Variants in MALAT1 observed in about 807,000 individuals in gnomAD.
The protein encoded by MALAT1 is metastasis associated lung adenocarcinoma transcript 1.
exon 3 of MALAT1, chr11:65,502,823 A>C: frequency 4.0e-6 from 2 of 505,802 alleles, no homozygotes; most frequent in South Asian, 2.9e-5. Flanking sequence ...TGCATATGCC[A>C]AAAAATTTTA....
At chr11:65,505,600 C>T (rs369574445) in intron 3 of MALAT1, 4 of 518,810 alleles carry the variant, frequency 7.7e-6, no homozygotes, top group African/African-American at 3.9e-5. Flanking sequence ...GACCCTTCAC[C>T]CCTCACCTCG....
intron 3 of MALAT1, chr11:65,504,380 G>GTA: frequency 1.9e-6 from 1 of 518,508 alleles, no homozygotes; most frequent in Non-Finnish European, 3.9e-6. Context: ...CTGTTGGCAA[G>GTA]TAAATGCAGT....
At chr11:65,500,319 CTT>C (rs1312067352) in exon 3 of MALAT1, 5 of 518,470 alleles carry the variant, frequency 9.6e-6, no homozygotes, top group African/African-American at 5.8e-5. Flanking sequence ...TAATTACCAA[CTT>C]AATGTTTTTG....
At chr11:65,497,834 C>T (rs1854421833) in exon 1 of MALAT1, 1 of 514,346 alleles carries the variant, frequency 1.9e-6, no homozygotes, top group Non-Finnish European at 3.9e-6. Context: ...AACGCAGAAG[C>T]CCGGCGCCGG....
exon 1 of MALAT1, chr11:65,497,836 C>G (rs765265483): frequency 5.8e-6 from 3 of 514,618 alleles, no homozygotes; most frequent in East Asian, 5.5e-5. Flanking sequence ...CGCAGAAGCC[C>G]GGCGCCGGGA....
chr11:65,501,208 G>C (rs951853121), exon 3 of MALAT1: 3 of 494,462 alleles, frequency 6.1e-6, no homozygotes, highest in African/African-American at 4.3e-5. Flanking sequence ...AACTGAGGCG[G>C]GGGGGAGTTT....
chr11:65,504,890 A>T (rs1259385160), intron 3 of MALAT1: 4 of 518,922 alleles, frequency 7.7e-6, no homozygotes, highest in Non-Finnish European at 1.2e-5. Context: ...TAGCCTATTT[A>T]CTTTAAATAA....
At chr11:65,499,646 T>G (rs1247740644) in exon 3 of MALAT1, 1 of 440,024 alleles carries the variant, frequency 2.3e-6, no homozygotes, top group Non-Finnish European at 4.5e-6. Context: ...TTGGAGAAGA[T>G]AGAAGTTTGA....
At position 65,500,396 on chromosome 11, in the gene MALAT1, C is replaced by G. The variant is rs761943147; in HGVS notation, n.1659C>G. 1.2e-5 allele frequency: 6 copies of G among 518,940 alleles called. No individual in the cohort carries two copies. In the East Asian group the frequency reaches 3.3e-4, roughly 28 times the overall value. 32.1% of individuals were successfully genotyped at this position (518,940 alleles called of 1,614,324 possible). ...GACTAGCATTAATTGACAGCTGACC[C>G]AGGTGCTACACAGAAGTGGATTCAG... On this transcript the variant is annotated non_coding_transcript_exon_variant, in exon 3 of 4. Transcript: ENST00000619449.
intron 1 of MALAT1, chr11:65,498,319 T>A (rs1380421883): frequency 3.9e-6 from 2 of 517,840 alleles, no homozygotes; most frequent in African/African-American, 1.9e-5. Flanking sequence ...GTAGAAAAAT[T>A]TCCGTGCGGG....
At chr11:65,504,745 G>A (rs1854640103) in intron 3 of MALAT1, 1 of 518,896 alleles carries the variant, frequency 1.9e-6, no homozygotes, top group African/African-American at 1.9e-5. Flanking sequence ...TGTTTAAACA[G>A]TTCAGTGATC....
At chr11:65,504,631 G>A (rs1329202132) in intron 3 of MALAT1, 1 of 518,804 alleles carries the variant, frequency 1.9e-6, no homozygotes, top group African/African-American at 1.9e-5. Context: ...GTGGTGGGAG[G>A]GGACTGAAGC....
At chr11:65,498,391 G>A (rs758353927) in intron 1 of MALAT1, 47 of 518,496 alleles carry the variant, frequency 9.1e-5, no homozygotes, top group South Asian at 6.3e-4. Flanking sequence ...GCAGCCAACG[G>A]CCCCCGGGGC....
chr11:65,500,411 A>G (rs368382132), exon 3 of MALAT1: 4 of 518,890 alleles, frequency 7.7e-6, no homozygotes, highest in African/African-American at 3.8e-5. Context: ...GCTACACAGA[A>G]GTGGATTCAG....
exon 3 of MALAT1, chr11:65,500,098 C>T (rs1488912468): frequency 2.1e-6 from 1 of 466,658 alleles, no homozygotes; most frequent in Non-Finnish European, 4.3e-6. Context: ...TTTACGTAGA[C>T]CAGAACCAAT....
exon 3 of MALAT1, chr11:65,500,275 G>A (rs777950576): frequency 1.9e-6 from 1 of 518,686 alleles, no homozygotes; most frequent in East Asian, 5.4e-5. Context: ...AAATGTGAAG[G>A]ACTTTCGTAA....
chr11:65,502,712 C>T (rs574913961), exon 3 of MALAT1: 2 of 511,474 alleles, frequency 3.9e-6, no homozygotes, highest in Admixed American at 4.0e-5. Flanking sequence ...AAAACAGCTC[C>T]TTGGTGAATT....
chr11:65,498,348 A>T (rs754347002), intron 1 of MALAT1: 14 of 517,660 alleles, frequency 2.7e-5, no homozygotes, highest in Non-Finnish European at 5.4e-5. Context: ...GGCTGGCGGC[A>T]ACTGGGGGGC....
chr11:65,503,131 G>A lies in MALAT1; in HGVS notation n.4394G>A, dbSNP rs758459500. On this transcript the variant is annotated non_coding_transcript_exon_variant, in exon 3 of 4. Coordinates refer to ENST00000619449, the Ensembl canonical transcript of MALAT1. ...GTTTGCCTCAGACAGGTATCTCTTC[G>A]TTATCAGAAGAGTTGCTTCATTTCA... 13 of 507,954 alleles carry A rather than the reference G, an allele frequency of 2.6e-5. No individual in the cohort carries two copies. The East Asian group carries it at 6.1e-4, about 24-fold the overall frequency. 31.5% of individuals were successfully genotyped at this position (507,954 alleles called of 1,614,324 possible).
Sources: allele counts gnomAD v4.1 joint callset, GRCh38; gene constraint gnomAD v4.1.1; transcripts MANE v1.5; gene names NCBI Gene and HGNC (gene_info 2026-07-23, HGNC 2026-07-21).